Variants in SLC17A5 observed in about 807,000 individuals in gnomAD.
SLC17A5 encodes sialin.
A neutral mutation model predicts 59.4 loss-of-function variants in SLC17A5; 47 were observed. The observed-to-expected ratio is 0.79, with a 90% confidence interval of 0.63 to 1.01. The LOEUF (loss-of-function observed/expected upper bound fraction) is 1.01. Among genes scored for constraint, SLC17A5 ranks in the 50% least tolerant of loss-of-function variants. The probability of loss-of-function intolerance (pLI) is 0.00; values close to 1 mark genes in which losing one functional copy is unlikely to be tolerated. For missense variants in SLC17A5, 522 were observed against 595.5 expected, an observed-to-expected ratio of 0.88 and a Z score of 1.28; for synonymous variants, 202 against 210.7, an observed-to-expected ratio of 0.96 and a Z score of 0.36.
chr6:73,646,021 G>T (rs1461583584), intron 1 of SLC17A5, among the ~76,000 whole-genome samples: 1 of 152,150 alleles, frequency 6.6e-6, no homozygotes, highest in African/African-American at 2.4e-5. Context: ...TCCAGAGTCT[G>T]AACATCTTTA....
intron 8 of SLC17A5, among the ~76,000 whole-genome samples, 199 bp downstream of exon 8, chr6:73,615,116 G>A (rs1353915424): frequency 6.6e-6 from 1 of 152,190 alleles, no homozygotes; most frequent in Non-Finnish European, 1.5e-5. Context: ...AGGATACCTA[G>A]CTGGTGTCCG....
intron 9 of SLC17A5, among the ~76,000 whole-genome samples, chr6:73,604,261 C>T (rs1391683887): frequency 1.3e-5 from 2 of 152,030 alleles, no homozygotes; most frequent in African/African-American, 2.4e-5. Context: ...ATGTCAGCAA[C>T]AAGAAGCTCA....
chr6:73,613,583 T>C (rs1691348), intron 8 of SLC17A5, among the ~76,000 whole-genome samples: 73,132 of 151,920 alleles, frequency 0.48, 18,261 homozygotes, highest in African/African-American at 0.6. Flanking sequence ...AGACTGGTCT[T>C]GAACTCCTGA....
At chr6:73,629,501 G>A (rs1768594420) in intron 6 of SLC17A5, among the ~76,000 whole-genome samples, 1 of 152,234 alleles carries the variant, frequency 6.6e-6, no homozygotes, top group Admixed American at 6.5e-5. Flanking sequence ...AGCCGGGTGT[G>A]GTGGCTCACG....
chr6:73,608,749 C>T (rs971751521), intron 9 of SLC17A5, among the ~76,000 whole-genome samples: 1 of 152,168 alleles, frequency 6.6e-6, no homozygotes, highest in Non-Finnish European at 1.5e-5. Context: ...GGTGCTGTGG[C>T]CCACGCCTGT....
rs1581947206 is a variant in SLC17A5 at position 73,593,432 on chromosome 6, A to G, written c.*1645T>C. 1.3e-5 allele frequency: 2 copies of G among 152,376 alleles called. No individual in the cohort carries two copies. Among genetic ancestry groups the G allele is most frequent in the East Asian group, 3.9e-4 (2 of 5,194 alleles). The allele number at this position is 152,376 out of a possible 1,614,324, so 9.4% of individuals were successfully genotyped here. A position where few individuals can be genotyped will look rare whatever the true frequency, so the allele number is the denominator to read the frequency against. On this transcript the variant is annotated 3_prime_UTR_variant, in exon 11 of 11. Coordinates refer to ENST00000355773, the MANE Select transcript of SLC17A5 (RefSeq NM_012434.5). ...TTATAAAAGAAACATTGCCATAGCAATTTAAAGCTATTTACAAATTTAAAA... is the reference window on the plus strand; with the variant it reads ...TTATAAAAGAAACATTGCCATAGCAGTTTAAAGCTATTTACAAATTTAAAA...
At chr6:73,605,059 G>A (rs1561986205) in intron 9 of SLC17A5, among the ~76,000 whole-genome samples, 1 of 150,368 alleles carries the variant, frequency 6.7e-6, no homozygotes, top group Non-Finnish European at 1.5e-5. Flanking sequence ...TGCCCAGGCA[G>A]GTCTTGAACT....
chr6:73,630,931 G>A lies in SLC17A5; in HGVS notation c.819+4451C>T, dbSNP rs376135214. On this transcript the variant is annotated intron_variant, in intron 6 of 10. Coordinates refer to ENST00000355773, the MANE Select transcript of SLC17A5 (RefSeq NM_012434.5). ...TGTGGTGGTGCACACCTGTTATCCC[G>A]GCTACTCGGGAGGCTGAGGCAGGAG... Among the ~76,000 whole-genome samples, 15 of 151,592 alleles carry A rather than the reference G, an allele frequency of 9.9e-5. 1 individual carries two copies. Among genetic ancestry groups the A allele is most frequent in the South Asian group, 4.2e-4 (2 of 4,810 alleles).
Position 73,621,945 on chromosome 6 carries a change from T to C in SLC17A5, c.837A>G (p.Ser279=), listed in dbSNP as rs2150099452. 1 of 1,614,040 alleles carries C rather than the reference T, an allele frequency of 6.2e-7. No individual in the cohort carries two copies. Among genetic ancestry groups the C allele is most frequent in the Non-Finnish European group, 8.5e-7 (1 of 1,179,956 alleles). Residue 279 remains serine (S), a synonymous_variant, in exon 7 of 11, where the codon TCA becomes TCG. Coordinates refer to ENST00000355773, the MANE Select transcript of SLC17A5 (RefSeq NM_012434.5). ...SLRNQLSSQK[S]VPWVPILKSL... ...ATTTTAAAATGGGTACCCACGGCAC[T>C]GACTTCTGTGAAGAAAGCTGAAGAA...
intron 9 of SLC17A5, among the ~76,000 whole-genome samples, chr6:73,607,750 C>T (rs1767459023): frequency 6.6e-6 from 1 of 151,050 alleles, no homozygotes; most frequent in Admixed American, 6.6e-5. Context: ...TGGATGGCTG[C>T]TGAACCAATT....
intron 1 of SLC17A5, 40 bp from the exon 2 acceptor site, chr6:73,644,643 A>G: frequency 6.5e-7 from 1 of 1,546,298 alleles, no homozygotes; most frequent in Middle Eastern, 1.8e-4. Context: ...TTATTTTTAA[A>G]TTTTTATTTT....
chr6:73,644,444 T>C lies in SLC17A5; in HGVS notation c.254A>G (p.Glu85Gly). ...EDNRTSKACP[E>G]HSAPIKVHHN... ...ATGAACTTTTATGGGAGCAGAATGCTCTGGACACGCCTTGGAAGTTCTATT... is the reference window on the plus strand; with the variant it reads ...ATGAACTTTTATGGGAGCAGAATGCCCTGGACACGCCTTGGAAGTTCTATT... The change falls in exon 2 of 11, where the codon GAG becomes GGG. Residue 85 changes from glutamate (E) to glycine (G), a missense_variant. By Grantham distance (98) the Glu-to-Gly change is moderately conservative (BLOSUM62 -2). Coordinates refer to ENST00000355773, the MANE Select transcript of SLC17A5 (RefSeq NM_012434.5). The C allele has an allele frequency of 1.9e-6, 3 of 1,614,076 alleles. No homozygotes were observed. Among genetic ancestry groups the C allele is most frequent in the Non-Finnish European group, 2.5e-6 (3 of 1,179,988 alleles).
intron 2 of SLC17A5, 49 bp downstream of exon 2, chr6:73,644,358 C>A (rs1471001830): frequency 7.0e-7 from 1 of 1,419,572 alleles, no homozygotes. Flanking sequence ...TTTTTACTTG[C>A]AAGTATTTTA....
chr6:73,636,499 C>G lies in SLC17A5; in HGVS notation c.700+122G>C, dbSNP rs560947192. 7.8e-6 allele frequency: 5 copies of G among 644,540 alleles called. No individual in the cohort carries two copies. In the East Asian group the frequency reaches 1.4e-4, roughly 18 times the overall value. 39.9% of individuals were successfully genotyped at this position (644,540 alleles called of 1,614,324 possible). A position where few individuals can be genotyped will look rare whatever the true frequency, so the allele number is the denominator to read the frequency against. On this transcript the variant is annotated intron_variant, in intron 5 of 10. Transcript: ENST00000355773. ...CATACCAACTTGAAAAACAGGTTAT[C>G]AGGAAGTGTTTCAGAACTGTGGTTC...
chr6:73,621,768 T>G, intron 7 of SLC17A5, 36 bp downstream of exon 7: 1 of 1,469,546 alleles, frequency 6.8e-7, no homozygotes, highest in Non-Finnish European at 9.5e-7. Flanking sequence ...GGTCTTATAC[T>G]ATATATATAA....
intron 9 of SLC17A5, among the ~76,000 whole-genome samples, chr6:73,602,059 T>A (rs574658142): frequency 6.6e-6 from 1 of 151,838 alleles, no homozygotes; most frequent in Non-Finnish European, 1.5e-5. Flanking sequence ...TAGAAAGAAG[T>A]AGACATGGGA....
intron 7 of SLC17A5, among the ~76,000 whole-genome samples, chr6:73,619,895 A>G (rs1012373983): frequency 2.8e-5 from 4 of 144,196 alleles, no homozygotes; most frequent in African/African-American, 7.7e-5. Flanking sequence ...AAAATAAGAT[A>G]TTTTGTTAAT....
At chr6:73,652,060 C>T (rs2150126724) in intron 1 of SLC17A5, among the ~76,000 whole-genome samples, 1 of 152,166 alleles carries the variant, frequency 6.6e-6, no homozygotes, top group South Asian at 2.1e-4. Context: ...CATATATGCT[C>T]CTTCTCTATA....
intron 6 of SLC17A5, among the ~76,000 whole-genome samples, chr6:73,625,174 T>C (rs1277724598): frequency 6.6e-6 from 1 of 152,136 alleles, no homozygotes; most frequent in African/African-American, 2.4e-5. Flanking sequence ...GTTTTTTAAT[T>C]ACAAATTTTA....
Sources: gnomAD v4.1 joint callset for allele counts (sites outside exome capture counted in the v4.1 genomes callset) on GRCh38, gnomAD v4.1.1 for gene constraint, MANE v1.5 for transcripts, NCBI Gene and HGNC (gene_info 2026-07-23, HGNC 2026-07-21) for gene names.